Variants in FHIT observed in about 807,000 individuals in gnomAD.
FHIT encodes bis(5'-adenosyl)-triphosphatase.
In FHIT, 19 loss-of-function variants were observed where a neutral mutation model predicts 17.9. The observed-to-expected ratio is 1.06, with a 90% CI of 0.74 to 1.56. The LOEUF (loss-of-function observed/expected upper bound fraction) is 1.56. Ranked by LOEUF, FHIT falls within the 40% of genes most tolerant of loss-of-function variation. FHIT has a pLI of 0.00. For synonymous variants in FHIT, 81 were observed against 69.7 expected, an observed-to-expected ratio of 1.16 and a Z score of -0.81; for missense variants, 248 against 189.2, an observed-to-expected ratio of 1.31 and a Z score of -1.82.
intron 5 of FHIT, among the ~76,000 whole-genome samples, chr3:60,232,325 G>T (rs543795983): frequency 6.6e-6 from 1 of 152,236 alleles, no homozygotes; most frequent in African/African-American, 2.4e-5. Context: ...CTCTTGAGTG[G>T]ATCTAAATAG....
At chr3:60,409,307 C>T (rs994575079) in intron 5 of FHIT, among the ~76,000 whole-genome samples, 1 of 152,082 alleles carries the variant, frequency 6.6e-6, no homozygotes. Flanking sequence ...GTAATCATAA[C>T]CCTTTGTTTA....
chr3:60,257,525 A>C (rs2107603277), intron 5 of FHIT, among the ~76,000 whole-genome samples: 1 of 152,238 alleles, frequency 6.6e-6, no homozygotes, highest in Non-Finnish European at 1.5e-5. Context: ...TGTTCAACAT[A>C]ATAGCTGCTG....
chr3:60,268,554 G>C (rs543445905), intron 5 of FHIT, among the ~76,000 whole-genome samples: 34 of 152,314 alleles, frequency 2.2e-4, no homozygotes, highest in African/African-American at 7.9e-4. Flanking sequence ...GGGAAATTTT[G>C]AGACAGAGAA....
chr3:60,633,442 ATTATAT>A (rs2039499587), intron 4 of FHIT, among the ~76,000 whole-genome samples: 1 of 152,216 alleles, frequency 6.6e-6, no homozygotes, highest in African/African-American at 2.4e-5. Context: ...ACAACAAATT[ATTATAT>A]TTAAGTATAA....
intron 3 of FHIT, among the ~76,000 whole-genome samples, chr3:60,949,111 C>G (rs1553776488): frequency 6.6e-6 from 1 of 152,178 alleles, no homozygotes; most frequent in Non-Finnish European, 1.5e-5. Context: ...AGCCCTATTA[C>G]AAGAGGTAAT....
chr3:61,119,701 C>A (rs570090742), intron 2 of FHIT, among the ~76,000 whole-genome samples: 2 of 152,164 alleles, frequency 1.3e-5, no homozygotes, highest in South Asian at 4.1e-4. Context: ...TCATCCAATC[C>A]ACTGAGGGCG....
At chr3:60,187,467 G>T (rs1258196439) in intron 5 of FHIT, among the ~76,000 whole-genome samples, 1 of 152,094 alleles carries the variant, frequency 6.6e-6, no homozygotes, top group South Asian at 2.1e-4. Context: ...GCCTTCACGG[G>T]TTTCCTGTGA....
intron 8 of FHIT, among the ~76,000 whole-genome samples, 159 bp downstream of exon 8, chr3:59,922,187 C>A (rs1705437542): frequency 6.6e-6 from 1 of 152,108 alleles, no homozygotes; most frequent in Admixed American, 6.5e-5. Flanking sequence ...CCCACGATGG[C>A]CATTCTTGAC....
At chr3:60,119,104 C>T (rs74954961) in intron 5 of FHIT, among the ~76,000 whole-genome samples, 39,807 of 151,482 alleles carry the variant, frequency 0.26, 5,954 homozygotes, top group Non-Finnish European at 0.35. Context: ...GACAGAGTCT[C>T]ACTCTGTCAT....
At chr3:60,142,605 G>C (rs1012298774) in intron 5 of FHIT, among the ~76,000 whole-genome samples, 1 of 151,916 alleles carries the variant, frequency 6.6e-6, no homozygotes, top group African/African-American at 2.4e-5. Context: ...TTCACAGAGT[G>C]ATCCTCCTGC....
At chr3:60,502,775 C>A (rs895412567) in intron 5 of FHIT, among the ~76,000 whole-genome samples, 2 of 152,102 alleles carry the variant, frequency 1.3e-5, no homozygotes, top group African/African-American at 4.8e-5. Flanking sequence ...ATTAAAATCA[C>A]TTTAAATTGG....
At chr3:60,344,659 A>C (rs11716358) in intron 5 of FHIT, among the ~76,000 whole-genome samples, 22,882 of 152,246 alleles carry the variant, frequency 0.15, 1,804 homozygotes, top group Non-Finnish European at 0.17. Flanking sequence ...CAAACTTGTT[A>C]GAAGATAACG....
At chr3:59,769,874 A>AT in intron 8 of FHIT, among the ~76,000 whole-genome samples, 1 of 152,052 alleles carries the variant, frequency 6.6e-6, no homozygotes, top group East Asian at 1.9e-4. Flanking sequence ...GTTTCTGTGT[A>AT]TTTTTACACA....
At chr3:59,929,199 T>C (rs991297009) in intron 7 of FHIT, among the ~76,000 whole-genome samples, 1 of 151,652 alleles carries the variant, frequency 6.6e-6, no homozygotes. Context: ...TAGCAACAAG[T>C]AGAGAATGAA....
chr3:60,114,656 G>T (rs1704872418), intron 5 of FHIT, among the ~76,000 whole-genome samples: 2 of 151,708 alleles, frequency 1.3e-5, no homozygotes, highest in Admixed American at 6.6e-5. Context: ...ACCAAGTCCA[G>T]CTAATTTTTG....
intron 5 of FHIT, among the ~76,000 whole-genome samples, chr3:60,225,839 C>T (rs991638558): frequency 6.6e-6 from 1 of 152,124 alleles, no homozygotes; most frequent in African/African-American, 2.4e-5. Flanking sequence ...ACAGCATTCT[C>T]TCTCCACTTT....
rs565547381 is a variant in FHIT at position 60,965,542 on chromosome 3, G to A, written c.-111+76505C>T. 1.6e-4 allele frequency among the ~76,000 whole-genome samples: 24 copies of A among 152,280 alleles called. No homozygotes were observed. The East Asian group carries it at 2.3e-3, about 15-fold the overall frequency. Reference sequence around the variant, plus strand: ...GATTTTTAGAATTTTCAGCTTTTCTGCTCTGGTTTCTCCCCATCTTTGTGG... The same window carrying A: ...GATTTTTAGAATTTTCAGCTTTTCTACTCTGGTTTCTCCCCATCTTTGTGG... On this transcript the variant is annotated intron_variant, in intron 3 of 9. Transcript: ENST00000492590.
chr3:60,472,769 C>T (rs1047281851), intron 5 of FHIT, among the ~76,000 whole-genome samples: 8 of 152,132 alleles, frequency 5.3e-5, no homozygotes, highest in African/African-American at 1.9e-4. Flanking sequence ...GAACTTCTGA[C>T]AGGAGAGAAA....
chr3:60,052,890 A>G lies in FHIT; in HGVS notation c.104-38738T>C, dbSNP rs376483302. On this transcript the variant is annotated intron_variant, in intron 5 of 9. Coordinates refer to ENST00000492590, the MANE Select transcript of FHIT (RefSeq NM_002012.4). Reference sequence around the variant, plus strand: ...GCAATGTAACTTACACTAACAAAGTATGTGTTATTTATCAGAAAGTCAAAT... The same window carrying G: ...GCAATGTAACTTACACTAACAAAGTGTGTGTTATTTATCAGAAAGTCAAAT... Among the ~76,000 whole-genome samples, 50 of 151,652 alleles carry G rather than the reference A, an allele frequency of 3.3e-4. No individual in the cohort carries two copies. In the East Asian group the frequency reaches 9.1e-3, roughly 28 times the overall value.
Sources: allele counts gnomAD v4.1 joint callset (sites outside exome capture counted in the v4.1 genomes callset), GRCh38; gene constraint gnomAD v4.1.1; transcripts MANE v1.5; gene names NCBI Gene and HGNC (gene_info 2026-07-23, HGNC 2026-07-21).